The following TTYH1 variants were observed in gnomAD, a reference collection of about 807,000 sequenced individuals.
The protein encoded by TTYH1 is protein tweety homolog 1.
In TTYH1, 33 loss-of-function variants were observed where a neutral mutation model predicts 61.2. The observed-to-expected ratio is 0.54, with a 90% CI of 0.41 to 0.72. TTYH1 has a LOEUF of 0.72. Ranked by LOEUF, TTYH1 falls within the 30% of genes least tolerant of loss-of-function variation. The probability of loss-of-function intolerance (pLI) is 0.00; values close to 1 mark genes in which losing one functional copy is unlikely to be tolerated. For missense variants in TTYH1, 538 were observed against 575.8 expected (o/e 0.93, Z 0.67); for synonymous variants, 308 against 266.4 (o/e 1.16, Z -1.52).
At position 54,422,287 on chromosome 19, in the gene TTYH1, C is replaced by T. The variant is rs1461610215; in HGVS notation, c.515C>T (p.Ala172Val). Reference sequence around the variant, plus strand: ...CCGCGCACGGAGCTGGTGGCTGCCGCCCGAGGGGCTCGACGGCAGGCGGAG... The same window carrying T: ...CCGCGCACGGAGCTGGTGGCTGCCGTCCGAGGGGCTCGACGGCAGGCGGAG... ...LEPRTELVAAARGARRQAEAA... is the reference protein window; with the variant it reads ...LEPRTELVAAVRGARRQAEAA... Residue 172 changes from alanine to valine, a missense_variant, in exon 4 of 14, where the codon GCC becomes GTC. Ala to Val is a moderately conservative substitution (Grantham distance 64). Around this residue, in one of 3 missense-constraint regions of TTYH1, gnomAD observed 378 missense variants for 401.2 expected, o/e 0.94. Transcript: ENST00000376530. 1.3e-6 allele frequency: 2 copies of T among 1,567,524 alleles called. No homozygotes were observed. Among genetic ancestry groups the T allele is most frequent in the African/African-American group, 1.3e-5 (1 of 74,342 alleles).
intron 10 of TTYH1, chr19:54,433,038 C>T (rs988567043): frequency 5.3e-5 from 8 of 152,262 alleles, no homozygotes; most frequent in African/African-American, 1.9e-4. Flanking sequence ...CCCACCCAGC[C>T]CAGGGCTGCC....
chr19:54,415,907 C>A lies in TTYH1; in HGVS notation c.126+229C>A. On this transcript the variant is annotated intron_variant, in intron 1 of 13. Transcript: ENST00000376530. The surrounding 1 kb of genome is among the most constrained non-coding windows in gnomAD (Gnocchi z 5.2). The stretch of plus-strand genomic sequence containing the variant: ...CTCGAGCTCTCTAAATAAGGGAAGG[C>A]TGGGGACCTGCACCCCTGAGTTCAT... The A allele has an allele frequency of 2.5e-6, 2 of 798,146 alleles. No individual in the cohort carries two copies. The highest frequency in any genetic ancestry group is 1.9e-6 in the Non-Finnish European group (1 of 520,020). 49.4% of individuals were successfully genotyped at this position (798,146 alleles called of 1,614,324 possible). A position where few individuals can be genotyped will look rare whatever the true frequency, so the allele number is the denominator to read the frequency against.
At position 54,436,682 on chromosome 19, in the gene TTYH1, G is replaced by A. The variant is rs1436770831; in HGVS notation, c.*392G>A. ...ACTCGTGGCACTAACTTGGAAAAGG[G>A]TTGATTTAAAATAAAAGGGAAGACT... On this transcript the variant is annotated 3_prime_UTR_variant, in exon 14 of 14. Transcript: ENST00000376530. The surrounding 1 kb of genome is among the most constrained non-coding windows in gnomAD (Gnocchi z 4.3). The A allele has an allele frequency of 4.3e-6, 2 of 468,206 alleles. No individual in the cohort carries two copies. The highest frequency in any genetic ancestry group is 3.9e-5 in the African/African-American group (2 of 51,510). The allele number at this position is 468,206 out of a possible 1,614,324, so 29.0% of individuals were successfully genotyped here. A position where few individuals can be genotyped will look rare whatever the true frequency, so the allele number is the denominator to read the frequency against.
chr19:54,419,234 C>G lies in TTYH1; in HGVS notation c.233C>G (p.Pro78Arg), dbSNP rs1435845027. 2 of 1,609,582 alleles carry G rather than the reference C, an allele frequency of 1.2e-6. No homozygotes were observed. The highest frequency in any genetic ancestry group is 2.7e-5 in the African/African-American group (2 of 74,934). The change falls in exon 2 of 14, where the codon CCC (proline) becomes CGC (arginine). Residue 78 changes from proline to arginine, a missense_variant. Pro to Arg is a moderately radical substitution (Grantham distance 103). Coordinates refer to ENST00000376530, the MANE Select transcript of TTYH1 (RefSeq NM_020659.4). This position sits in a 1 kb window ranked among gnomAD's most constrained non-coding sequence, Gnocchi z 6.1. ...RFCCCRPPEP[P>R]GSKIPSPGGG... ...TGCTGCTGCCGGCCCCCCGAGCCCCCCGGGTCCAAGATCCCCTCGCCCGGG... is the reference window on the plus strand; with the variant it reads ...TGCTGCTGCCGGCCCCCCGAGCCCCGCGGGTCCAAGATCCCCTCGCCCGGG...
rs915983460 is a variant in TTYH1 at position 54,415,952 on chromosome 19, C to T, written c.126+274C>T. 2.8e-6 allele frequency: 3 copies of T among 1,071,982 alleles called. No homozygotes were observed. The highest frequency in any genetic ancestry group is 4.0e-6 in the Non-Finnish European group (3 of 757,810). The allele number at this position is 1,071,982 out of a possible 1,614,324, so 66.4% of individuals were successfully genotyped here. On this transcript the variant is annotated intron_variant, in intron 1 of 13. Transcript: ENST00000376530. This position sits in a 1 kb window ranked among gnomAD's most constrained non-coding sequence, Gnocchi z 5.2. ...GTTCATGGAGAGGAGGGGAGGGGGG[C>T]CCGGATTCCCGGGTGTCTGATACCT...
Position 54,422,103 on chromosome 19 carries a change from C to A in TTYH1, c.418-87C>A, listed in dbSNP as rs147434506. On this transcript the variant is annotated intron_variant, in intron 3 of 13. Transcript: ENST00000376530. ...ATCTCAGACACCCGCTACTATGCAC[C>A]CCTCCTTCACTTCTAAAACCCCATG... 4.6e-4 allele frequency: 500 copies of A among 1,078,532 alleles called. 1 individual carries two copies. In the African/African-American group the frequency reaches 5.8e-3, roughly 12 times the overall value. 66.8% of individuals were successfully genotyped at this position (1,078,532 alleles called of 1,614,324 possible).
Position 54,417,519 on chromosome 19 carries a change from T to A in TTYH1, c.127-1609T>A, listed in dbSNP as rs544609709. Among the ~76,000 whole-genome samples the A allele has an allele frequency of 3.3e-5, 5 of 151,752 alleles. No homozygotes were observed. In the South Asian group the frequency reaches 1.0e-3, roughly 32 times the overall value. ...ATACACTCACATGGATATACCCACTTACACATACACAATCACACATATGCA... is the reference window on the plus strand; with the variant it reads ...ATACACTCACATGGATATACCCACTAACACATACACAATCACACATATGCA... On this transcript the variant is annotated intron_variant, in intron 1 of 13. Transcript: ENST00000376530.
intron 10 of TTYH1, chr19:54,433,490 G>T (rs1447311403): frequency 6.6e-6 from 1 of 151,350 alleles, no homozygotes; most frequent in Non-Finnish European, 1.5e-5. Flanking sequence ...AACCTGGGCA[G>T]TGGAGGTTGC....
Position 54,434,857 on chromosome 19 carries a change from G to A in TTYH1, c.1126-685G>A, listed in dbSNP as rs1482021806. On this transcript the variant is annotated intron_variant, in intron 10 of 13. Coordinates refer to ENST00000376530, the MANE Select transcript of TTYH1 (RefSeq NM_020659.4). This position sits in a 1 kb window ranked among gnomAD's most constrained non-coding sequence, Gnocchi z 4.3. ...GGCTGGGTGAGGAGTTCTGCCCCCAGGGACACCTGGCCGGGTGCCGAGTTG... is the reference window on the plus strand; with the variant it reads ...GGCTGGGTGAGGAGTTCTGCCCCCAAGGACACCTGGCCGGGTGCCGAGTTG... 6.6e-6 allele frequency: 1 copy of A among 152,402 alleles called. No individual in the cohort carries two copies. Among genetic ancestry groups the A allele is most frequent in the East Asian group, 1.9e-4 (1 of 5,204 alleles). The allele number at this position is 152,402 out of a possible 1,614,324, so 9.4% of individuals were successfully genotyped here.
intron 5 of TTYH1, among the ~76,000 whole-genome samples, chr19:54,427,625 A>G (rs1237385940): frequency 6.6e-6 from 1 of 151,980 alleles, no homozygotes; most frequent in African/African-American, 2.4e-5. Flanking sequence ...CAACAAAAAA[A>G]AAAAACAGAT....
At chr19:54,428,602 G>A (rs1425242632) in intron 5 of TTYH1, among the ~76,000 whole-genome samples, 2 of 152,132 alleles carry the variant, frequency 1.3e-5, no homozygotes, top group African/African-American at 4.8e-5. Flanking sequence ...ACAGCTAGAA[G>A]TGCTAGAGCT....
rs1749318698 is a variant in TTYH1, at chr19:54,419,720, C to T, written c.305+414C>T. On this transcript the variant is annotated intron_variant, in intron 2 of 13. Coordinates refer to ENST00000376530, the MANE Select transcript of TTYH1 (RefSeq NM_020659.4). This position sits in a 1 kb window ranked among gnomAD's most constrained non-coding sequence, Gnocchi z 6.1. ...GATGGAGAGAAAGCACAGTGTCTGA[C>T]TTGCAGCTACTCTCAGCCAACATTA... Among the ~76,000 whole-genome samples, 1 of 152,170 alleles carries T rather than the reference C, an allele frequency of 6.6e-6. No individual in the cohort carries two copies. The highest frequency in any genetic ancestry group is 1.5e-5 in the Non-Finnish European group (1 of 68,046).
At position 54,415,943 on chromosome 19, in the gene TTYH1, G is replaced by C. The variant is rs970760448; in HGVS notation, c.126+265G>C. The C allele has an allele frequency of 9.9e-7, 1 of 1,014,902 alleles. No homozygotes were observed. The highest frequency in any genetic ancestry group is 2.3e-5 in the Admixed American group (1 of 44,428). The allele number at this position is 1,014,902 out of a possible 1,614,324, so 62.9% of individuals were successfully genotyped here. A position where few individuals can be genotyped will look rare whatever the true frequency, so the allele number is the denominator to read the frequency against. Reference sequence around the variant, plus strand: ...CACCCCTGAGTTCATGGAGAGGAGGGGAGGGGGGCCCGGATTCCCGGGTGT... The same window carrying C: ...CACCCCTGAGTTCATGGAGAGGAGGCGAGGGGGGCCCGGATTCCCGGGTGT... On this transcript the variant is annotated intron_variant, in intron 1 of 13. Transcript: ENST00000376530. The surrounding 1 kb of genome is among the most constrained non-coding windows in gnomAD (Gnocchi z 5.2).
At chr19:54,430,682 G>A in intron 8 of TTYH1, 77 bp downstream of exon 8, 1 of 1,565,854 alleles carries the variant, frequency 6.4e-7, no homozygotes, top group African/African-American at 1.4e-5. Context: ...GCGGGGCTGG[G>A]GCTGGGGCCT....
Position 54,420,550 on chromosome 19 carries a change from C to CG in TTYH1, c.306-722dup, listed in dbSNP as rs2083190887. 2.0e-5 allele frequency: 3 copies of CG among 148,004 alleles called. No homozygotes were observed. The highest frequency in any genetic ancestry group is 6.8e-5 in the Admixed American group (1 of 14,730). 9.2% of individuals were successfully genotyped at this position (148,004 alleles called of 1,614,324 possible). A position where few individuals can be genotyped will look rare whatever the true frequency, so the allele number is the denominator to read the frequency against. On this transcript the variant is annotated intron_variant, in intron 2 of 13. Transcript: ENST00000376530. The surrounding 1 kb of genome is among the most constrained non-coding windows in gnomAD (Gnocchi z 4.8). ...GCCCCCTCCACTGCGGGACACCGGC[C>CG]GGGGGCGGGGACGGGAGGGGTCTGG...
Position 54,421,307 on chromosome 19 carries a change from CAGTG to C in TTYH1, c.339_342del (p.Ser113ArgfsTer38). 6.2e-7 allele frequency: 1 copy of C among 1,613,676 alleles called. No individual in the cohort carries two copies. The highest frequency in any genetic ancestry group is 8.5e-7 in the Non-Finnish European group (1 of 1,179,674). ...GCATTGGCATCGGTTTCTATGGCAACAGTGAGACCAGTGATGGGGTGTCCCAGCT... is the reference window on the plus strand; with the variant it reads ...GCATTGGCATCGGTTTCTATGGCAACAGACCAGTGATGGGGTGTCCCAGCT... On this transcript the variant is annotated frameshift_variant, in exon 3 of 14. Coordinates refer to ENST00000376530, the MANE Select transcript of TTYH1 (RefSeq NM_020659.4). LOFTEE classifies it high-confidence loss of function. This position sits in a 1 kb window ranked among gnomAD's most constrained non-coding sequence, Gnocchi z 4.8.
intron 4 of TTYH1, among the ~76,000 whole-genome samples, chr19:54,425,685 G>A (rs1203349722): frequency 6.7e-6 from 1 of 149,942 alleles, no homozygotes; most frequent in African/African-American, 2.5e-5. Flanking sequence ...CATGGTGGTG[G>A]GCCCTTCACT....
At chr19:54,435,465 G>A (rs1027948544) in intron 10 of TTYH1, 77 bp from the exon 11 acceptor site, 8 of 1,497,988 alleles carry the variant, frequency 5.3e-6, no homozygotes, top group Middle Eastern at 2.5e-4. Flanking sequence ...CCGGGAGGAC[G>A]GTCAGACTGA....
intron 4 of TTYH1, among the ~76,000 whole-genome samples, chr19:54,425,687 C>T (rs2083308373): frequency 3.4e-5 from 5 of 149,038 alleles, no homozygotes. Context: ...TGGTGGTGGG[C>T]CCTTCACTGA....
Sources: gnomAD v4.1 joint callset for allele counts (sites outside exome capture counted in the v4.1 genomes callset) on GRCh38, gnomAD v4.1.1 for gene constraint, gnomAD v4.1.1 regional missense constraint, Gnocchi (gnomAD v3.1) non-coding constraint, MANE v1.5 for transcripts, NCBI Gene and HGNC (gene_info 2026-07-23, HGNC 2026-07-21) for gene names.